The following C3orf49 variants were observed in gnomAD, a reference collection of about 807,000 sequenced individuals.
The protein encoded by C3orf49 is chromosome 3 open reading frame 49.
C3orf49 carries 27 observed loss-of-function variants against 13.3 expected under a neutral mutation model. The observed-to-expected ratio is 2.02, with a 90% CI of 1.49 to 2.79. C3orf49 has a LOEUF of 2.79. C3orf49 is among the 30% of genes most tolerant of loss of function. The pLI is 0.00. For missense variants in C3orf49, 242 were observed against 134.2 expected, an observed-to-expected ratio of 1.80 and a Z score of -3.97; for synonymous variants, 87 against 47.6, an observed-to-expected ratio of 1.83 and a Z score of -3.40.
chr3:63,833,992 T>G (rs762035710), intron 5 of C3orf49: 11 of 724,714 alleles, frequency 1.5e-5, no homozygotes, highest in Non-Finnish European at 2.4e-5. Context: ...AGAGGAAATA[T>G]GAATGAAATA....
chr3:63,791,478 C>T, the C3orf49 span, among the ~76,000 whole-genome samples: 1 of 152,128 alleles, frequency 6.6e-6, no homozygotes, highest in Non-Finnish European at 1.5e-5. Flanking sequence ...GTTAGTGATG[C>T]CTGCGGTGAG....
At chr3:63,826,261 T>C (rs892962679) in intron 2 of C3orf49, among the ~76,000 whole-genome samples, 1 of 152,192 alleles carries the variant, frequency 6.6e-6, no homozygotes, top group Admixed American at 6.5e-5. Context: ...TGGTTATCTT[T>C]TAGTGTAGAC....
At chr3:63,805,790 G>A in the C3orf49 span, among the ~76,000 whole-genome samples, 1 of 152,112 alleles carries the variant, frequency 6.6e-6, no homozygotes, top group Non-Finnish European at 1.5e-5. Flanking sequence ...CTGCTTCAGA[G>A]GGAAATAGTA....
the C3orf49 span, among the ~76,000 whole-genome samples, chr3:63,794,029 C>T: frequency 0.015 from 2,303 of 152,160 alleles, 28 homozygotes; most frequent in Middle Eastern, 0.048. Flanking sequence ...GTGACATGCA[C>T]CTGTAGTCCC....
At chr3:63,823,688 C>G in intron 2 of C3orf49, 119 bp downstream of exon 2, 2 of 608,834 alleles carry the variant, frequency 3.3e-6, no homozygotes, top group South Asian at 4.0e-5. Context: ...AATGCAGAAT[C>G]TCAGGCCCTA....
intron 6 of C3orf49, among the ~76,000 whole-genome samples, chr3:63,847,417 CTG>C (rs1379335166): frequency 6.6e-6 from 1 of 152,132 alleles, no homozygotes; most frequent in Non-Finnish European, 1.5e-5. Context: ...TCCTAAAGTG[CTG>C]TGTCTCCAAA....
chr3:63,791,066 T>C, the C3orf49 span, among the ~76,000 whole-genome samples: 1 of 152,164 alleles, frequency 6.6e-6, no homozygotes. Context: ...TCCCAGGTAC[T>C]TTTTGTTTTT....
intron 6 of C3orf49, among the ~76,000 whole-genome samples, chr3:63,847,008 C>G (rs1214901687): frequency 6.6e-6 from 1 of 152,084 alleles, no homozygotes; most frequent in African/African-American, 2.4e-5. Flanking sequence ...CCTAAAACAG[C>G]AGTTTCCAAA....
At chr3:63,835,457 C>T in intron 5 of C3orf49, 2 of 1,418,308 alleles carry the variant, frequency 1.4e-6, no homozygotes, top group East Asian at 4.6e-5. Context: ...TAATGCCTAA[C>T]TTTTAAGTTA....
intron 5 of C3orf49, chr3:63,835,121 A>C: frequency 6.2e-7 from 1 of 1,605,134 alleles, no homozygotes; most frequent in Non-Finnish European, 8.5e-7. Flanking sequence ...AAAAATCTTC[A>C]TAAGCATTTA....
the C3orf49 span, among the ~76,000 whole-genome samples, chr3:63,782,164 A>G: frequency 2.0e-5 from 3 of 152,228 alleles, no homozygotes; most frequent in East Asian, 1.9e-4. Context: ...ATAATCCAAC[A>G]TAAGTCAGAC....
the C3orf49 span, among the ~76,000 whole-genome samples, chr3:63,806,129 C>A: frequency 2.0e-5 from 3 of 152,160 alleles, no homozygotes; most frequent in Non-Finnish European, 4.4e-5. Context: ...TGTCCTCAAG[C>A]AATGGCCAAG....
the C3orf49 span, among the ~76,000 whole-genome samples, chr3:63,780,302 C>T: frequency 6.6e-6 from 1 of 152,208 alleles, no homozygotes; most frequent in Non-Finnish European, 1.5e-5. Flanking sequence ...CATCCATGTC[C>T]CTACAAAGGA....
the C3orf49 span, among the ~76,000 whole-genome samples, chr3:63,812,543 A>C: frequency 3.9e-5 from 6 of 152,328 alleles, no homozygotes; most frequent in Non-Finnish European, 7.3e-5. Context: ...ATTTCATTAG[A>C]TCTTTCAGTC....
At chr3:63,826,292 G>A (rs1356761569) in intron 2 of C3orf49, among the ~76,000 whole-genome samples, 1 of 152,018 alleles carries the variant, frequency 6.6e-6, no homozygotes, top group Non-Finnish European at 1.5e-5. Flanking sequence ...GAGGGTAAGC[G>A]CAAATGCAGG....
At chr3:63,812,004 C>T in the C3orf49 span, among the ~76,000 whole-genome samples, 1 of 151,912 alleles carries the variant, frequency 6.6e-6, no homozygotes, top group Admixed American at 6.6e-5. Context: ...GTGTAGAGCA[C>T]TGGGAGTGGT....
the C3orf49 span, among the ~76,000 whole-genome samples, chr3:63,782,039 TG>T: frequency 6.6e-6 from 1 of 152,204 alleles, no homozygotes; most frequent in South Asian, 2.1e-4. Flanking sequence ...CTTATCCTTC[TG>T]TAAGAACCAG....
rs1295442303 is a variant in C3orf49, at chr3:63,845,036, G to A, written c.863G>A (p.Gly288Glu). ...GTCTCTTGACAGATGACCACAAAAG[G>A]ACCTGGAGACAGCTGACCTGAGACT... The part of the protein sequence containing the change: ...KYKLKNMTTK[G>E]PGDS The change falls in exon 6 of 7, where the codon GGA becomes GAA. Residue 288 changes from glycine to glutamate, a missense_variant. Gly to Glu is a moderately conservative substitution (Grantham distance 98). Coordinates refer to ENST00000295896, the MANE Select transcript of C3orf49 (RefSeq NM_001355236.2). 5.7e-6 allele frequency: 4 copies of A among 699,452 alleles called. No homozygotes were observed. The highest frequency in any genetic ancestry group is 1.0e-5 in the Non-Finnish European group (4 of 383,134). The allele number at this position is 699,452 out of a possible 1,614,324, so 43.3% of individuals were successfully genotyped here. A position where few individuals can be genotyped will look rare whatever the true frequency, so the allele number is the denominator to read the frequency against.
At chr3:63,842,607 C>CA (rs1701791492) in intron 5 of C3orf49, among the ~76,000 whole-genome samples, 1 of 152,074 alleles carries the variant, frequency 6.6e-6, no homozygotes. Context: ...AATGGAAAAT[C>CA]AAATACCATA....
Sources: gnomAD v4.1 joint callset for allele counts (sites outside exome capture counted in the v4.1 genomes callset) on GRCh38, gnomAD v4.1.1 for gene constraint, MANE v1.5 for transcripts, NCBI Gene and HGNC (gene_info 2026-07-23, HGNC 2026-07-21) for gene names.